MYT1: variants seen among roughly 807,000 people sequenced by gnomAD.
The protein encoded by MYT1 is myelin transcription factor I.
MYT1 carries 23 observed loss-of-function variants against 123.0 expected under a neutral mutation model. That is an observed-to-expected ratio of 0.19 (90% CI 0.13 to 0.26). MYT1 has a LOEUF of 0.26. Ranked by LOEUF, MYT1 falls within the 10% of genes least tolerant of loss-of-function variation. MYT1 has a pLI of 1.00. For missense variants in MYT1, 1,125 were observed against 1,472.5 expected (o/e 0.76, Z 3.86); for synonymous variants, 518 against 575.3 (o/e 0.90, Z 1.43).
intron 1 of MYT1, among the ~76,000 whole-genome samples, chr20:64,169,174 C>T (rs527416728): frequency 1.3e-5 from 2 of 152,248 alleles, no homozygotes; most frequent in African/African-American, 4.8e-5. Context: ...CCTGTCCTGC[C>T]TGAGTGGGAG....
At chr20:64,234,836 G>GGTCA (rs1984454010) in intron 19 of MYT1, among the ~76,000 whole-genome samples, 1 of 141,096 alleles carries the variant, frequency 7.1e-6, no homozygotes, top group Admixed American at 7.1e-5. Context: ...CGAGCTGGCT[G>GGTCA]TGGTGGGTGA....
chr20:64,187,691 G>A (rs1056101529), intron 1 of MYT1, among the ~76,000 whole-genome samples: 7 of 152,260 alleles, frequency 4.6e-5, no homozygotes, highest in Admixed American at 2.6e-4. Context: ...GGACCAAGAG[G>A]GCCACAGGAG....
intron 12 of MYT1, among the ~76,000 whole-genome samples, 153 bp from the exon 13 acceptor site, chr20:64,219,560 A>AT (rs1177804248): frequency 1.3e-5 from 2 of 151,956 alleles, no homozygotes; most frequent in Non-Finnish European, 2.9e-5. Flanking sequence ...TGGCAGCTGG[A>AT]TTTTTTCCCT....
intron 18 of MYT1, among the ~76,000 whole-genome samples, chr20:64,229,416 C>G (rs1272768502): frequency 6.6e-6 from 1 of 152,170 alleles, no homozygotes; most frequent in Non-Finnish European, 1.5e-5. Flanking sequence ...AAATGGTTTT[C>G]CTTTCTAATG....
intron 1 of MYT1, among the ~76,000 whole-genome samples, chr20:64,172,086 G>A (rs993289029): frequency 1.7e-4 from 26 of 152,292 alleles, no homozygotes; most frequent in Admixed American, 3.9e-4. Flanking sequence ...TGGGTAAAGC[G>A]TTTGTGTTTT....
intron 3 of MYT1, among the ~76,000 whole-genome samples, chr20:64,199,272 G>A (rs1983218824): frequency 1.3e-5 from 2 of 152,218 alleles, no homozygotes; most frequent in Admixed American, 1.3e-4. Context: ...TGGTGCTAAT[G>A]GGGCATAGGA....
rs1285194269 is a variant in MYT1 at position 64,232,071 on chromosome 20, G to A, written c.2676-93G>A. The A allele has an allele frequency of 2.3e-6, 3 of 1,322,780 alleles. No individual in the cohort carries two copies. Among genetic ancestry groups the A allele is most frequent in the African/African-American group, 1.5e-5 (1 of 68,838 alleles). 81.9% of individuals were successfully genotyped at this position (1,322,780 alleles called of 1,614,324 possible). A position where few individuals can be genotyped will look rare whatever the true frequency, so the allele number is the denominator to read the frequency against. ...CTCAGAAGCCCTTTAACGGCTCTGA[G>A]TTGGGCTCCCCTTGTGTCTGGCTTG... On this transcript the variant is annotated intron_variant, in intron 18 of 22. Coordinates refer to ENST00000328439, the MANE Select transcript of MYT1 (RefSeq NM_004535.3). The surrounding 1 kb of genome is among the most constrained non-coding windows in gnomAD (Gnocchi z 6.9).
chr20:64,184,478 T>A (rs1474002582), intron 1 of MYT1, among the ~76,000 whole-genome samples: 1 of 152,166 alleles, frequency 6.6e-6, no homozygotes, highest in Non-Finnish European at 1.5e-5. Context: ...TATGTCCCAC[T>A]TATCCATATG....
intron 18 of MYT1, among the ~76,000 whole-genome samples, chr20:64,228,902 T>G (rs1173894887): frequency 6.6e-6 from 1 of 152,224 alleles, no homozygotes; most frequent in East Asian, 1.9e-4. Flanking sequence ...GGGGCCCTAC[T>G]ATGCCCGCAG....
chr20:64,195,419 G>A (rs867015943), intron 2 of MYT1, among the ~76,000 whole-genome samples: 11 of 10,006 alleles, frequency 1.1e-3, no homozygotes, highest in Admixed American at 2.4e-3. Flanking sequence ...TTTTTGAGAC[G>A]GAGTCTCACT....
At chr20:64,201,602 T>G (rs1983302559) in intron 4 of MYT1, among the ~76,000 whole-genome samples, 1 of 152,236 alleles carries the variant, frequency 6.6e-6, no homozygotes, top group Non-Finnish European at 1.5e-5. Context: ...TGGGCATGCC[T>G]GTGGCTCGTG....
intron 4 of MYT1, among the ~76,000 whole-genome samples, chr20:64,204,549 C>T (rs1983423130): frequency 6.6e-6 from 1 of 152,222 alleles, no homozygotes; most frequent in African/African-American, 2.4e-5. Context: ...GCCTGTCAGT[C>T]CTGGCTCCGT....
In MYT1 at chr20:64,240,614, G is replaced by T. The variant is rs1423015517; in HGVS notation, c.*166G>T. The stretch of plus-strand genomic sequence containing the variant: ...GGCTGGAAATTGGCCGCTCCCACGA[G>T]GCTCCCTCCAGGCTTGGGGCCGTGG... On this transcript the variant is annotated 3_prime_UTR_variant, in exon 23 of 23. Transcript: ENST00000328439. 1.1e-6 allele frequency: 1 copy of T among 926,316 alleles called. No individual in the cohort carries two copies. 57.4% of individuals were successfully genotyped at this position (926,316 alleles called of 1,614,324 possible). A position where few individuals can be genotyped will look rare whatever the true frequency, so the allele number is the denominator to read the frequency against.
intron 4 of MYT1, among the ~76,000 whole-genome samples, chr20:64,201,679 C>A (rs1983305315): frequency 6.6e-6 from 1 of 152,208 alleles, no homozygotes; most frequent in South Asian, 2.1e-4. Context: ...GATGATGTTC[C>A]CCCTCCCAGA....
chr20:64,179,081 G>A (rs1287678568), intron 1 of MYT1, among the ~76,000 whole-genome samples: 1 of 148,236 alleles, frequency 6.7e-6, no homozygotes, highest in Non-Finnish European at 1.5e-5. Context: ...TTCAACGTGG[G>A]AGCACTGAGC....
At chr20:64,171,018 G>T (rs943995917) in intron 1 of MYT1, among the ~76,000 whole-genome samples, 1 of 148,928 alleles carries the variant, frequency 6.7e-6, no homozygotes, top group Non-Finnish European at 1.5e-5. Flanking sequence ...AAGCAATTCC[G>T]TCTGCCTCAG....
In MYT1 at chr20:64,168,980, T is replaced by G. The variant is rs186961673; in HGVS notation, c.-99+4241T>G. On this transcript the variant is annotated intron_variant, in intron 1 of 22. Coordinates refer to ENST00000328439, the MANE Select transcript of MYT1 (RefSeq NM_004535.3). This position sits in a 1 kb window ranked among gnomAD's most constrained non-coding sequence, Gnocchi z 6.1. ...ACCTCCATCGTGTTCAACACTGGTCTGAGGGCTGGGGCAGAAGCCATCTGG... is the reference window on the plus strand; with the variant it reads ...ACCTCCATCGTGTTCAACACTGGTCGGAGGGCTGGGGCAGAAGCCATCTGG... 4.5e-4 allele frequency among the ~76,000 whole-genome samples: 68 copies of G among 152,358 alleles called. No homozygotes were observed. Among genetic ancestry groups the G allele is most frequent in the Non-Finnish European group, 6.8e-4 (46 of 68,034 alleles).
At chr20:64,233,048 T>G (rs1984369074) in intron 19 of MYT1, among the ~76,000 whole-genome samples, 1 of 151,098 alleles carries the variant, frequency 6.6e-6, no homozygotes, top group Admixed American at 6.6e-5. Context: ...AAACCCTGTG[T>G]CTGGGCCTAG....
chr20:64,218,749 G>T lies in MYT1; in HGVS notation c.1847-162G>T. On this transcript the variant is annotated intron_variant, in intron 11 of 22. Coordinates refer to ENST00000328439, the MANE Select transcript of MYT1 (RefSeq NM_004535.3). The surrounding 1 kb of genome is among the most constrained non-coding windows in gnomAD (Gnocchi z 4.0). ...CCTGGGCCCTCCCATCCCTCCCAAA[G>T]TGCCCCCTCCCCACTGACTTGTCTG... 5.4e-5 allele frequency: 39 copies of T among 726,020 alleles called. No individual in the cohort carries two copies. The highest frequency in any genetic ancestry group is 8.1e-5 in the Non-Finnish European group (35 of 431,154). 45.0% of individuals were successfully genotyped at this position (726,020 alleles called of 1,614,324 possible). A position where few individuals can be genotyped will look rare whatever the true frequency, so the allele number is the denominator to read the frequency against.
Sources: gnomAD v4.1 joint callset for allele counts (sites outside exome capture counted in the v4.1 genomes callset) on GRCh38, gnomAD v4.1.1 for gene constraint, Gnocchi (gnomAD v3.1) non-coding constraint, MANE v1.5 for transcripts, NCBI Gene and HGNC (gene_info 2026-07-23, HGNC 2026-07-21) for gene names.